Variants in USP42 observed in about 807,000 individuals in gnomAD.
The protein encoded by USP42 is ubiquitin specific peptidase 42.
A neutral mutation model predicts 113.0 loss-of-function variants in USP42; 23 were observed. That is an observed-to-expected ratio of 0.20 (90% CI 0.15 to 0.29). USP42 has a LOEUF of 0.29. Among genes scored for constraint, USP42 ranks in the 10% least tolerant of loss-of-function variants. The pLI is 1.00. For missense variants in USP42, 2,174 were observed against 1,779.8 expected (o/e 1.22, Z -3.99); for synonymous variants, 933 against 699.0 (o/e 1.33, Z -5.28).
At chr7:6,122,408 C>G (rs1023820506) in intron 3 of USP42, among the ~76,000 whole-genome samples, 5 of 151,970 alleles carry the variant, frequency 3.3e-5, no homozygotes, top group African/African-American at 1.2e-4. Context: ...ACCTCACCTT[C>G]CCAAGTAGCT....
At chr7:6,082,830 C>T in the USP42 span, among the ~76,000 whole-genome samples, 3 of 149,524 alleles carry the variant, frequency 2.0e-5, no homozygotes, top group South Asian at 4.2e-4. Flanking sequence ...AGGCTGGTTG[C>T]GAACTCCTGA....
the USP42 span, among the ~76,000 whole-genome samples, chr7:6,088,068 G>A: frequency 6.6e-6 from 1 of 150,866 alleles, no homozygotes; most frequent in Admixed American, 6.6e-5. Flanking sequence ...GGGAGGCCAA[G>A]GCAGGAGGAT....
intron 3 of USP42, among the ~76,000 whole-genome samples, chr7:6,133,809 C>G (rs149929997): frequency 4.6e-5 from 7 of 152,030 alleles, no homozygotes; most frequent in Admixed American, 3.3e-4. Flanking sequence ...CGTAAGCCAC[C>G]GCACCTGGTG....
chr7:6,125,748 T>A (rs912215749), intron 3 of USP42, among the ~76,000 whole-genome samples: 1 of 152,170 alleles, frequency 6.6e-6, no homozygotes, highest in Non-Finnish European at 1.5e-5. Context: ...GTATTTTTCC[T>A]TACTTTTGTT....
At chr7:6,147,668 T>C in intron 11 of USP42, 71 bp from the exon 12 acceptor site, 10 of 1,484,108 alleles carry the variant, frequency 6.7e-6, no homozygotes, top group Non-Finnish European at 9.0e-6. Context: ...TAAATGCTGT[T>C]GACTTTGTAA....
Position 6,149,725 on chromosome 7 carries a change from C to G in USP42, c.1529C>G (p.Ser510Cys). Residue 510 changes from serine to cysteine, a missense_variant, in exon 13 of 18, where the codon TCC becomes TGC. Physicochemically the swap from Ser to Cys is moderately radical, Grantham distance 112. Coordinates refer to ENST00000306177, the MANE Select transcript of USP42 (RefSeq NM_032172.3). ...ASVQNWSVNRSSVIPEHPKKQ... is the reference protein window; with the variant it reads ...ASVQNWSVNRCSVIPEHPKKQ... ...GTCCAAAACTGGTCAGTTAATAGGT[C>G]CTCAGTGATCCCAGAACATCCTAAG... 1 of 1,613,922 alleles carries G rather than the reference C, an allele frequency of 6.2e-7. No individual in the cohort carries two copies. The highest frequency in any genetic ancestry group is 2.2e-5 in the East Asian group (1 of 44,884).
At position 6,157,647 on chromosome 7, in the gene USP42, TAG is replaced by T. The variant is rs1466265281; in HGVS notation, c.3943+594_3943+595del. ...ACTCTTGGTTTTAAAGCATTTTTGATAGAAATACTTTTGCAGCGTATACGTTA... is the reference window on the plus strand; with the variant it reads ...ACTCTTGGTTTTAAAGCATTTTTGATAAATACTTTTGCAGCGTATACGTTA... On this transcript the variant is annotated intron_variant, in intron 16 of 17. Coordinates refer to ENST00000306177, the MANE Select transcript of USP42 (RefSeq NM_032172.3). The surrounding 1 kb of genome is among the most constrained non-coding windows in gnomAD (Gnocchi z 4.1). 6.6e-5 allele frequency among the ~76,000 whole-genome samples: 10 copies of T among 152,182 alleles called. No homozygotes were observed. Among genetic ancestry groups the T allele is most frequent in the African/African-American group, 1.9e-4 (8 of 41,444 alleles).
In USP42 at chr7:6,150,044, C is replaced by A; in HGVS notation, c.1848C>A (p.Asp616Glu). ...GCGCCGAGTCCTCTGAGGACTCTGACGAGGAGTCAAAGGGGCTGGGCAAGG... is the reference window on the plus strand; with the variant it reads ...GCGCCGAGTCCTCTGAGGACTCTGAAGAGGAGTCAAAGGGGCTGGGCAAGG... ...PYGAESSEDSDEESKGLGKEN... is the reference protein window; with the variant it reads ...PYGAESSEDSEEESKGLGKEN... Residue 616 changes from aspartate to glutamate, a missense_variant, in exon 13 of 18, where the codon GAC becomes GAA. Coordinates refer to ENST00000306177, the MANE Select transcript of USP42 (RefSeq NM_032172.3). 6.2e-7 allele frequency: 1 copy of A among 1,610,600 alleles called. No individual in the cohort carries two copies. Among genetic ancestry groups the A allele is most frequent in the Non-Finnish European group, 8.5e-7 (1 of 1,178,340 alleles).
At position 6,159,547 on chromosome 7, in the gene USP42, G is replaced by A. The variant is rs187290777; in HGVS notation, c.*36+54G>A. 5.6e-5 allele frequency: 87 copies of A among 1,540,878 alleles called. 1 individual carries two copies. The East Asian group carries it at 1.8e-3, about 32-fold the overall frequency. ...TTGTTTGTGGTGGCGCTGAGGGGAC[G>A]CAGGCAGAGGAGTTTTAATTCTGCG... On this transcript the variant is annotated intron_variant, in intron 17 of 17. Coordinates refer to ENST00000306177, the MANE Select transcript of USP42 (RefSeq NM_032172.3). The surrounding 1 kb of genome is among the most constrained non-coding windows in gnomAD (Gnocchi z 4.1).
In USP42 at chr7:6,159,783, C is replaced by G. The variant is rs1782666912; in HGVS notation, c.*36+290C>G. 6.6e-6 allele frequency among the ~76,000 whole-genome samples: 1 copy of G among 152,256 alleles called. No homozygotes were observed. The highest frequency in any genetic ancestry group is 2.4e-5 in the African/African-American group (1 of 41,470). Reference sequence around the variant, plus strand: ...TGTGCCTCACTTGGGAAAAGCCAACCCGGCTCACAGCGGCAGAGCCCACGG... The same window carrying G: ...TGTGCCTCACTTGGGAAAAGCCAACGCGGCTCACAGCGGCAGAGCCCACGG... On this transcript the variant is annotated intron_variant, in intron 17 of 17. Transcript: ENST00000306177. This position sits in a 1 kb window ranked among gnomAD's most constrained non-coding sequence, Gnocchi z 4.1.
intron 3 of USP42, among the ~76,000 whole-genome samples, chr7:6,117,378 A>G (rs1309202848): frequency 1.3e-5 from 2 of 152,176 alleles, no homozygotes; most frequent in African/African-American, 4.8e-5. Flanking sequence ...ATGTAGCATC[A>G]CTTGATCGTA....
intron 3 of USP42, among the ~76,000 whole-genome samples, chr7:6,117,174 C>T (rs1335022229): frequency 6.6e-6 from 1 of 152,102 alleles, no homozygotes; most frequent in Admixed American, 6.6e-5. Context: ...TTCCCCGATG[C>T]CCCTTTGAAA....
intron 3 of USP42, among the ~76,000 whole-genome samples, chr7:6,120,494 C>T (rs531129773): frequency 2.7e-4 from 41 of 152,246 alleles, no homozygotes; most frequent in Admixed American, 1.2e-3. Flanking sequence ...CTGCCCGACT[C>T]GGCCTCCCAA....
the USP42 span, among the ~76,000 whole-genome samples, chr7:6,082,253 C>G: frequency 6.6e-6 from 1 of 151,632 alleles, no homozygotes; most frequent in Non-Finnish European, 1.5e-5. Flanking sequence ...CTCAGCCTCC[C>G]GAGTAGCTGG....
intron 3 of USP42, among the ~76,000 whole-genome samples, chr7:6,129,166 C>T (rs1282475988): frequency 1.3e-5 from 2 of 152,158 alleles, no homozygotes; most frequent in African/African-American, 2.4e-5. Context: ...ACTTTTACCA[C>T]GGTTTACTGG....
chr7:6,136,194 G>A (rs1420781656), intron 4 of USP42, among the ~76,000 whole-genome samples: 2 of 151,954 alleles, frequency 1.3e-5, no homozygotes, highest in African/African-American at 4.8e-5. Flanking sequence ...AGTACAGATG[G>A]GGTTTCTCCA....
chr7:6,144,322 G>A (rs933206445), intron 9 of USP42, 126 bp downstream of exon 9: 2 of 625,462 alleles, frequency 3.2e-6, no homozygotes, highest in African/African-American at 3.9e-5. Context: ...CCTACATTTG[G>A]GCTTCATTGT....
At chr7:6,098,302 G>C in the USP42 span, among the ~76,000 whole-genome samples, 1 of 150,214 alleles carries the variant, frequency 6.7e-6, no homozygotes, top group South Asian at 2.1e-4. Flanking sequence ...TTAAAGGAAA[G>C]TGCCCACATA....
At position 6,154,240 on chromosome 7, in the gene USP42, GCAGAGCGGC is replaced by G. The variant is rs1562855531; in HGVS notation, c.2688_2696del (p.Glu897_Pro899del). 1.9e-6 allele frequency: 3 copies of G among 1,604,762 alleles called. No homozygotes were observed. The highest frequency in any genetic ancestry group is 3.4e-5 in the Admixed American group (2 of 59,378). ...CCAGAGCTTGGGCGCACCCGAGGCCGCAGAGCGGCCGCCAGCTCCTGTGCTGGACATGGC... is the reference window on the plus strand; with the variant it reads ...CCAGAGCTTGGGCGCACCCGAGGCCGCGCCAGCTCCTGTGCTGGACATGGC... On this transcript the variant is annotated inframe_deletion, in exon 15 of 18. Coordinates refer to ENST00000306177, the MANE Select transcript of USP42 (RefSeq NM_032172.3).
Sources: gnomAD v4.1 joint callset for allele counts (sites outside exome capture counted in the v4.1 genomes callset) on GRCh38, gnomAD v4.1.1 for gene constraint, Gnocchi (gnomAD v3.1) non-coding constraint, MANE v1.5 for transcripts, NCBI Gene and HGNC (gene_info 2026-07-23, HGNC 2026-07-21) for gene names.